The following COL4A5 variants were observed in gnomAD, a reference collection of about 807,000 sequenced individuals.
COL4A5 encodes collagen alpha-5(IV) chain.
In COL4A5, 26 loss-of-function variants were observed where a neutral mutation model predicts 130.2. The ratio of observed to expected loss-of-function variants is 0.20; its 90% CI spans 0.15 to 0.28. The LOEUF is 0.28. Ranked by LOEUF, COL4A5 falls within the 10% of genes least tolerant of loss-of-function variation. The probability of loss-of-function intolerance (pLI) is 1.00; values close to 1 mark genes in which losing one functional copy is unlikely to be tolerated. For missense variants in COL4A5, 1,131 were observed against 1,344.3 expected (o/e 0.84, Z 2.48); for synonymous variants, 496 against 439.6 (o/e 1.13, Z -1.60).
chrX:108,693,272 A>C (rs1387032324), intron 50 of COL4A5, among the ~76,000 whole-genome samples: 1 of 111,558 alleles, frequency 9.0e-6, no homozygotes, highest in Non-Finnish European at 1.9e-5. Flanking sequence ...AACTGGAGAA[A>C]TGTGGGATGG....
At chrX:108,641,073 A>G (rs2067456507) in intron 36 of COL4A5, among the ~76,000 whole-genome samples, 1 of 111,918 alleles carries the variant, frequency 8.9e-6, no homozygotes, top group Admixed American at 9.5e-5. Context: ...GAGAGAAAAT[A>G]ACAAATGTTG....
chrX:108,670,741 G>A, intron 42 of COL4A5: 2 of 326,855 alleles, frequency 6.1e-6, no homozygotes, highest in South Asian at 5.3e-5. Context: ...TTCTACTGCT[G>A]TTAAAAATGG....
chrX:108,589,735 T>G (rs1178118082), intron 19 of COL4A5, among the ~76,000 whole-genome samples: 1 of 111,637 alleles, frequency 9.0e-6, no homozygotes, highest in Non-Finnish European at 1.9e-5. Flanking sequence ...TAAAGATTTA[T>G]GACTAAGACT....
Position 108,508,114 on chromosome X carries a change from G to A in COL4A5, c.82-31632G>A, listed in dbSNP as rs969537949. Reference sequence around the variant, plus strand: ...AGTCAAACTATTCCTGTTTGTAGACGATATGATTCTATATCTAGAAAACCC... The same window carrying A: ...AGTCAAACTATTCCTGTTTGTAGACAATATGATTCTATATCTAGAAAACCC... On this transcript the variant is annotated intron_variant, in intron 1 of 52. Transcript: ENST00000328300. Among the ~76,000 whole-genome samples, 9 of 111,229 alleles carry A rather than the reference G, an allele frequency of 8.1e-5. No individual in the cohort carries two copies. The East Asian group carries it at 8.5e-4, about 10-fold the overall frequency.
intron 1 of COL4A5, among the ~76,000 whole-genome samples, chrX:108,490,628 GTA>G (rs1231016964): frequency 9.0e-6 from 1 of 111,554 alleles, no homozygotes; most frequent in African/African-American, 3.3e-5. Context: ...TTTTTAATGA[GTA>G]TTTTTATGTA....
intron 1 of COL4A5, among the ~76,000 whole-genome samples, chrX:108,536,015 A>G (rs1482258791): frequency 9.0e-6 from 1 of 111,006 alleles, no homozygotes; most frequent in Non-Finnish European, 1.9e-5. Context: ...CTGCTATTCA[A>G]CTTCAGCTTA....
At chrX:108,485,679 C>T (rs919743634) in intron 1 of COL4A5, among the ~76,000 whole-genome samples, 2 of 110,000 alleles carry the variant, frequency 1.8e-5, no homozygotes, top group Non-Finnish European at 3.8e-5. Context: ...GCTAGTACCC[C>T]AGACACAGGC....
At chrX:108,445,111 A>G (rs1280107814) in intron 1 of COL4A5, among the ~76,000 whole-genome samples, 1 of 111,519 alleles carries the variant, frequency 9.0e-6, no homozygotes, top group African/African-American at 3.3e-5. Context: ...TTTAGATTTC[A>G]TTATTGTCAT....
At chrX:108,526,623 T>C (rs1171994784) in intron 1 of COL4A5, among the ~76,000 whole-genome samples, 7 of 64,513 alleles carry the variant, frequency 1.1e-4, no homozygotes, top group African/African-American at 6.5e-4. Context: ...TTTCTTTCTT[T>C]CTTTCTTTCT....
At chrX:108,611,592 G>C (rs1000596149) in intron 29 of COL4A5, among the ~76,000 whole-genome samples, 1 of 111,344 alleles carries the variant, frequency 9.0e-6, no homozygotes, top group African/African-American at 3.3e-5. Flanking sequence ...GACATAAATT[G>C]TTGAAGCTCA....
chrX:108,485,021 T>G (rs757368385), intron 1 of COL4A5, among the ~76,000 whole-genome samples: 1 of 112,234 alleles, frequency 8.9e-6, no homozygotes, highest in African/African-American at 3.2e-5. Flanking sequence ...TGAGGCATAG[T>G]CTTTCCCACT....
chrX:108,547,160 G>A (rs970157542), intron 2 of COL4A5, among the ~76,000 whole-genome samples: 21 of 112,199 alleles, frequency 1.9e-4, no homozygotes, highest in Admixed American at 3.8e-4. Context: ...GAGGAGCTGC[G>A]TTCCTTTGGA....
intron 36 of COL4A5, among the ~76,000 whole-genome samples, chrX:108,638,719 A>G (rs974680830): frequency 8.9e-6 from 1 of 112,340 alleles, no homozygotes; most frequent in African/African-American, 3.2e-5. Context: ...AAACAAATTC[A>G]GCAAAGATTC....
chrX:108,623,918 T>TA (rs1251177923), intron 33 of COL4A5, among the ~76,000 whole-genome samples: 1 of 111,912 alleles, frequency 8.9e-6, no homozygotes, highest in Non-Finnish European at 1.9e-5. Flanking sequence ...ATAGGCTTAT[T>TA]AAATATAGTC....
At chrX:108,660,354 C>T (rs1490067352) in intron 37 of COL4A5, among the ~76,000 whole-genome samples, 1 of 111,548 alleles carries the variant, frequency 9.0e-6, no homozygotes, top group Non-Finnish European at 1.9e-5. Flanking sequence ...TCCTGTGCAG[C>T]AGACTTCTAG....
At chrX:108,485,839 C>A (rs2064939087) in intron 1 of COL4A5, among the ~76,000 whole-genome samples, 1 of 110,894 alleles carries the variant, frequency 9.0e-6, no homozygotes, top group Non-Finnish European at 1.9e-5. Flanking sequence ...AGTCGTGTGC[C>A]TCCCCACCCC....
At chrX:108,613,544 G>C (rs2066873235) in intron 29 of COL4A5, among the ~76,000 whole-genome samples, 1 of 111,903 alleles carries the variant, frequency 8.9e-6, no homozygotes, top group African/African-American at 3.2e-5. Flanking sequence ...CTTATAAGCA[G>C]AATATATAAT....
At chrX:108,684,697 C>T (rs149513478) in intron 47 of COL4A5, among the ~76,000 whole-genome samples, 10,777 of 112,360 alleles carry the variant, frequency 0.096, 1,160 homozygotes, top group African/African-American at 0.32. Flanking sequence ...GATACCATTC[C>T]TTCTGAAACT....
Position 108,559,165 on chromosome X carries a change from G to A in COL4A5, c.231+12G>A. 1.7e-6 allele frequency: 2 copies of A among 1,167,435 alleles called. No individual in the cohort carries two copies. Among genetic ancestry groups the A allele is most frequent in the South Asian group, 1.8e-5 (1 of 56,016 alleles). On this transcript the variant is annotated intron_variant, in intron 3 of 52. Coordinates refer to ENST00000328300, the MANE Select transcript of COL4A5 (RefSeq NM_033380.3). Reference sequence around the variant, plus strand: ...CTCGGGGACAAAAGGTATGTATCATGTTGCCAACCAGTAATGCCAGATGAA... The same window carrying A: ...CTCGGGGACAAAAGGTATGTATCATATTGCCAACCAGTAATGCCAGATGAA...
Sources: gnomAD v4.1 joint callset for allele counts (sites outside exome capture counted in the v4.1 genomes callset) on GRCh38, gnomAD v4.1.1 for gene constraint, MANE v1.5 for transcripts, NCBI Gene and HGNC (gene_info 2026-07-23, HGNC 2026-07-21) for gene names.